The following GRID1 variants were observed in gnomAD, a reference collection of about 807,000 sequenced individuals.
GRID1 encodes the protein glutamate receptor ionotropic, delta-1.
Under a neutral mutation model 98.0 loss-of-function variants are expected in GRID1, and 28 were observed. The ratio of observed to expected loss-of-function variants is 0.29; its 90% CI spans 0.21 to 0.39. The LOEUF (loss-of-function observed/expected upper bound fraction) is 0.39. GRID1 is among the 10% of genes least tolerant of loss of function. The pLI, the probability that GRID1 is intolerant of heterozygous loss-of-function variation, is 1.00. For synonymous variants in GRID1, 553 were observed against 538.5 expected, an observed-to-expected ratio of 1.03 and a Z score of -0.37; for missense variants, 1,111 against 1,340.5, an observed-to-expected ratio of 0.83 and a Z score of 2.67.
intron 3 of GRID1, among the ~76,000 whole-genome samples, chr10:86,167,264 T>A (rs1193327795): frequency 2.6e-5 from 4 of 152,234 alleles, no homozygotes; most frequent in Admixed American, 2.0e-4. Context: ...CCCTCCCTGC[T>A]GCTGTCTTCC....
intron 4 of GRID1, among the ~76,000 whole-genome samples, chr10:85,972,132 C>T (rs1842415665): frequency 6.6e-6 from 1 of 151,568 alleles, no homozygotes; most frequent in African/African-American, 2.4e-5. Context: ...TCAGAAAAAG[C>T]GTTCAAGGTT....
chr10:86,046,397 C>A (rs879620600), intron 4 of GRID1, among the ~76,000 whole-genome samples: 4 of 152,192 alleles, frequency 2.6e-5, no homozygotes, highest in Admixed American at 2.6e-4. Context: ...ACCCTACCAC[C>A]AGCTCGCCCT....
intron 3 of GRID1, among the ~76,000 whole-genome samples, chr10:86,199,595 G>A (rs1845920172): frequency 6.6e-6 from 1 of 152,084 alleles, no homozygotes; most frequent in Non-Finnish European, 1.5e-5. Context: ...CACCATGTGG[G>A]GTTGCCATTG....
At chr10:85,942,387 C>T (rs1426072761) in intron 4 of GRID1, among the ~76,000 whole-genome samples, 1 of 152,176 alleles carries the variant, frequency 6.6e-6, no homozygotes, top group Non-Finnish European at 1.5e-5. Context: ...TCAGAGGGGT[C>T]TCTGACTCTT....
chr10:86,343,421 C>T (rs1429160554), intron 2 of GRID1, among the ~76,000 whole-genome samples: 1 of 152,178 alleles, frequency 6.6e-6, no homozygotes, highest in Non-Finnish European at 1.5e-5. Flanking sequence ...TGCCTGCCAC[C>T]ATCTCACTAA....
chr10:85,746,273 G>C (rs1841995827), intron 8 of GRID1, among the ~76,000 whole-genome samples: 1 of 152,096 alleles, frequency 6.6e-6, no homozygotes, highest in Non-Finnish European at 1.5e-5. Context: ...CGAGTCTTTG[G>C]GGTCCTTTAG....
chr10:86,094,257 G>A (rs925875238), intron 4 of GRID1, among the ~76,000 whole-genome samples: 2 of 152,188 alleles, frequency 1.3e-5, no homozygotes, highest in Non-Finnish European at 1.5e-5. Context: ...ATGGGGAAAA[G>A]TTGAAAGCAT....
chr10:85,980,780 G>C (rs1202577303), intron 4 of GRID1, among the ~76,000 whole-genome samples: 1 of 152,226 alleles, frequency 6.6e-6, no homozygotes, highest in Non-Finnish European at 1.5e-5. Context: ...GGAGCCTCAA[G>C]ATAACTCCTC....
rs535211896 is a variant in GRID1 at position 86,282,016 on chromosome 10, T to C, written c.236-75368A>G. Among the ~76,000 whole-genome samples the C allele has an allele frequency of 5.3e-5, 8 of 152,340 alleles. No homozygotes were observed. In the South Asian group the frequency reaches 1.7e-3, roughly 32 times the overall value. On this transcript the variant is annotated intron_variant, in intron 2 of 15. Transcript: ENST00000327946. ...CCAGTGGTTAGGTTCAGACAGACAC[T>C]GGCATCCAGTCATCTGGGTTTGCAT... is the stretch of plus-strand genomic sequence containing the variant.
chr10:85,937,154 G>T (rs1224575399), intron 4 of GRID1, among the ~76,000 whole-genome samples: 1 of 152,154 alleles, frequency 6.6e-6, no homozygotes, highest in Non-Finnish European at 1.5e-5. Flanking sequence ...CAGTGTCCAG[G>T]CCTCATCCCA....
intron 2 of GRID1, among the ~76,000 whole-genome samples, chr10:86,320,631 G>A (rs1174419197): frequency 1.3e-5 from 2 of 152,146 alleles, no homozygotes; most frequent in Non-Finnish European, 2.9e-5. Flanking sequence ...CACAGAATGT[G>A]AATTAATGCT....
At chr10:85,728,306 T>C (rs566866576) in intron 9 of GRID1, among the ~76,000 whole-genome samples, 1 of 152,318 alleles carries the variant, frequency 6.6e-6, no homozygotes, top group East Asian at 1.9e-4. Context: ...TCCCAGGCTC[T>C]GCCCCAACCC....
chr10:85,803,241 T>A (rs1008741320), intron 8 of GRID1, among the ~76,000 whole-genome samples: 3 of 152,142 alleles, frequency 2.0e-5, no homozygotes, highest in African/African-American at 7.2e-5. Context: ...ATAATTGGAT[T>A]GATTTGTAAC....
At chr10:85,862,027 A>G (rs1469570299) in intron 6 of GRID1, among the ~76,000 whole-genome samples, 7 of 151,788 alleles carry the variant, frequency 4.6e-5, no homozygotes, top group Non-Finnish European at 1.0e-4. Flanking sequence ...CCAAGGGCAG[A>G]GCCCCAGTTG....
intron 4 of GRID1, among the ~76,000 whole-genome samples, chr10:86,118,754 C>A (rs1017781358): frequency 6.6e-6 from 1 of 152,162 alleles, no homozygotes; most frequent in African/African-American, 2.4e-5. Flanking sequence ...TAGTAAGTAC[C>A]CTTGACATGG....
intron 4 of GRID1, among the ~76,000 whole-genome samples, chr10:85,958,932 G>A (rs1010421253): frequency 2.3e-4 from 34 of 146,164 alleles, no homozygotes; most frequent in African/African-American, 7.9e-4. Context: ...ACTCCAGCCT[G>A]AGCTATGAGA....
At chr10:85,862,045 C>T (rs1288420769) in intron 6 of GRID1, among the ~76,000 whole-genome samples, 1 of 152,184 alleles carries the variant, frequency 6.6e-6, no homozygotes, top group Non-Finnish European at 1.5e-5. Flanking sequence ...TTGCTGTTGT[C>T]CCCTCCAAGT....
intron 5 of GRID1, among the ~76,000 whole-genome samples, chr10:85,871,122 C>G (rs995003675): frequency 3.9e-5 from 6 of 152,086 alleles, no homozygotes; most frequent in Non-Finnish European, 5.9e-5. Flanking sequence ...ACCCATCATA[C>G]GTTGAAAATA....
intron 4 of GRID1, among the ~76,000 whole-genome samples, chr10:86,038,832 T>C (rs1043825296): frequency 6.6e-6 from 1 of 152,246 alleles, no homozygotes; most frequent in Non-Finnish European, 1.5e-5. Context: ...GTCTTATTTC[T>C]GATTTCCTAG....
Sources: gnomAD v4.1 joint callset for allele counts (sites outside exome capture counted in the v4.1 genomes callset) on GRCh38, gnomAD v4.1.1 for gene constraint, MANE v1.5 for transcripts, NCBI Gene and HGNC (gene_info 2026-07-23, HGNC 2026-07-21) for gene names.